Variants in PMEPA1 observed in about 807,000 individuals in gnomAD.
The protein encoded by PMEPA1 is prostate transmembrane protein, androgen induced 1.
Under a neutral mutation model 23.0 loss-of-function variants are expected in PMEPA1, and 11 were observed. The ratio of observed to expected loss-of-function variants is 0.48; its 90% confidence interval spans 0.30 to 0.79. PMEPA1 has a LOEUF of 0.79. Ranked by LOEUF, PMEPA1 falls within the 30% of genes least tolerant of loss-of-function variation. The pLI is 0.06. For synonymous variants in PMEPA1, 204 were observed against 166.4 expected (o/e 1.23, Z -1.74); for missense variants, 377 against 390.9 (o/e 0.96, Z 0.30).
intron 1 of PMEPA1, among the ~76,000 whole-genome samples, chr20:57,668,909 A>G (rs535515256): frequency 6.6e-6 from 1 of 152,248 alleles, no homozygotes; most frequent in East Asian, 1.9e-4. Flanking sequence ...GCCTCAGACT[A>G]AAACAGCCCT....
At chr20:57,671,392 C>T (rs566893958) in intron 1 of PMEPA1, among the ~76,000 whole-genome samples, 5 of 152,218 alleles carry the variant, frequency 3.3e-5, no homozygotes, top group Admixed American at 6.5e-5. Context: ...GTGGTGTTGA[C>T]GGCCACAGTC....
chr20:57,709,047 C>T (rs954061572), intron 1 of PMEPA1, among the ~76,000 whole-genome samples: 2 of 152,208 alleles, frequency 1.3e-5, no homozygotes, highest in Admixed American at 1.3e-4. Flanking sequence ...ACGCCCGGAG[C>T]CCCAGACACC....
chr20:57,658,051 T>C (rs1420382257), intron 2 of PMEPA1, among the ~76,000 whole-genome samples: 1 of 152,220 alleles, frequency 6.6e-6, no homozygotes, highest in East Asian at 1.9e-4. Flanking sequence ...GTGCCGCCCT[T>C]TGGTCCACCT....
At chr20:57,671,212 C>T (rs2071563232) in intron 1 of PMEPA1, among the ~76,000 whole-genome samples, 1 of 152,168 alleles carries the variant, frequency 6.6e-6, no homozygotes, top group Admixed American at 6.5e-5. Flanking sequence ...TATCAGTCAC[C>T]GTTTGAATTA....
chr20:57,670,052 G>A (rs1428162243), intron 1 of PMEPA1, among the ~76,000 whole-genome samples: 2 of 152,066 alleles, frequency 1.3e-5, no homozygotes, highest in Admixed American at 6.5e-5. Context: ...CTGACCCTAG[G>A]AGCACAGATA....
intron 1 of PMEPA1, among the ~76,000 whole-genome samples, chr20:57,689,552 G>A (rs2071848640): frequency 1.3e-5 from 2 of 152,236 alleles, no homozygotes; most frequent in Non-Finnish European, 1.5e-5. Flanking sequence ...AGATGGGACA[G>A]TCTCCAAATG....
chr20:57,697,309 G>A (rs1432754599), intron 1 of PMEPA1, among the ~76,000 whole-genome samples: 1 of 152,226 alleles, frequency 6.6e-6, no homozygotes, highest in Non-Finnish European at 1.5e-5. Flanking sequence ...AGCAGACACT[G>A]GGAGTACCAC....
intron 1 of PMEPA1, among the ~76,000 whole-genome samples, chr20:57,693,142 G>A (rs956789834): frequency 6.6e-6 from 1 of 152,166 alleles, no homozygotes. Context: ...TCTGAAGCCC[G>A]CCTACCCCAC....
intron 1 of PMEPA1, among the ~76,000 whole-genome samples, chr20:57,702,206 G>T (rs572634650): frequency 3.9e-5 from 6 of 152,228 alleles, no homozygotes; most frequent in Non-Finnish European, 5.9e-5. Flanking sequence ...GGTCAGAGGT[G>T]TGTGGCAGAT....
rs1163727898 is a variant in PMEPA1 at position 57,709,913 on chromosome 20, GCCT to G, written c.-334_-332del. On this transcript the variant is annotated 5_prime_UTR_variant, in exon 1 of 4. Coordinates refer to ENST00000341744, the MANE Select transcript of PMEPA1 (RefSeq NM_020182.5). ...TGCCGCTAGCTTTCCCCAGCCGAGC[GCCT>G]CCGCCGCCGCCGCCGCCGCCGCCTC... The G allele has an allele frequency of 9.9e-7, 1 of 1,009,292 alleles. No homozygotes were observed. The highest frequency in any genetic ancestry group is 1.2e-6 in the Non-Finnish European group (1 of 848,662). The allele number at this position is 1,009,292 out of a possible 1,614,324, so 62.5% of individuals were successfully genotyped here.
At position 57,709,856 on chromosome 20, in the gene PMEPA1, C is replaced by A; in HGVS notation, c.-274G>T. 1.0e-6 allele frequency: 1 copy of A among 986,248 alleles called. No individual in the cohort carries two copies. Among genetic ancestry groups the A allele is most frequent in the African/African-American group, 1.8e-5 (1 of 56,644 alleles). The allele number at this position is 986,248 out of a possible 1,614,324, so 61.1% of individuals were successfully genotyped here. ...TGGCGTCCGGAAAATGGGCTGGCAG[C>A]GGGGCGCGCGCTGCCGCCGGGGCTG... On this transcript the variant is annotated 5_prime_UTR_variant, in exon 1 of 4. Transcript: ENST00000341744.
chr20:57,710,475 G>T, upstream of PMEPA1: 1 of 1,607,768 alleles, frequency 6.2e-7, no homozygotes, highest in Non-Finnish European at 8.5e-7. Context: ...GCCTGGTTTC[G>T]CAGGAGACTG....
chr20:57,706,887 A>G (rs1349980517), intron 1 of PMEPA1, among the ~76,000 whole-genome samples: 1 of 152,204 alleles, frequency 6.6e-6, no homozygotes, highest in African/African-American at 2.4e-5. Context: ...CAGGGGAACC[A>G]GCAGTGGGTG....
chr20:57,657,800 G>A (rs527243851), intron 2 of PMEPA1, among the ~76,000 whole-genome samples: 8 of 152,320 alleles, frequency 5.3e-5, no homozygotes, highest in Admixed American at 4.6e-4. Context: ...GACTCTGGGC[G>A]CCACCACCAA....
rs2072150325 is a variant in PMEPA1, at chr20:57,709,988, G to A, written c.-406C>T. On this transcript the variant is annotated 5_prime_UTR_variant, in exon 1 of 4. Coordinates refer to ENST00000341744, the MANE Select transcript of PMEPA1 (RefSeq NM_020182.5). ...GGAGATCGGGTTTCGCTCCGAGACC[G>A]CGGTCGGAGGCAGGCAGACGGTCTG... is the stretch of plus-strand genomic sequence containing the variant. 1 of 991,230 alleles carries A rather than the reference G, an allele frequency of 1.0e-6. No homozygotes were observed. Among genetic ancestry groups the A allele is most frequent in the South Asian group, 4.5e-5 (1 of 22,388 alleles). The allele number at this position is 991,230 out of a possible 1,614,324, so 61.4% of individuals were successfully genotyped here.
intron 1 of PMEPA1, among the ~76,000 whole-genome samples, chr20:57,680,130 C>T (rs1047927588): frequency 3.9e-5 from 6 of 152,204 alleles, no homozygotes; most frequent in African/African-American, 9.7e-5. Flanking sequence ...ATGGTAAAAA[C>T]GACTTCTGCC....
intron 1 of PMEPA1, among the ~76,000 whole-genome samples, chr20:57,688,107 C>T (rs571022456): frequency 1.6e-4 from 24 of 152,296 alleles, no homozygotes; most frequent in Admixed American, 2.6e-4. Flanking sequence ...CGCCTCGGGA[C>T]GGCCTCAGCT....
rs769595358 is a variant in PMEPA1, at chr20:57,659,508, C to T, written c.264+35G>A. The T allele has an allele frequency of 6.2e-6, 10 of 1,605,636 alleles. No homozygotes were observed. In the Admixed American group the frequency reaches 1.7e-4, roughly 27 times the overall value. Reference sequence around the variant, plus strand: ...TTACAAGGGGCGTCCCACTGCCGCACCCTCAGGCCACAGATGGGATGGCGG... The same window carrying T: ...TTACAAGGGGCGTCCCACTGCCGCATCCTCAGGCCACAGATGGGATGGCGG... On this transcript the variant is annotated intron_variant, in intron 2 of 3. Coordinates refer to ENST00000341744, the MANE Select transcript of PMEPA1 (RefSeq NM_020182.5).
Position 57,651,118 on chromosome 20 carries a change from G to C in PMEPA1, c.*935C>G, listed in dbSNP as rs1016452515. On this transcript the variant is annotated 3_prime_UTR_variant, in exon 4 of 4. Transcript: ENST00000341744. The stretch of plus-strand genomic sequence containing the variant: ...AAGGCAAAACCACTACCTGGAACTC[G>C]GTGCCTCCGTGGTTAACTTTCCTAT... 1 of 152,220 alleles carries C rather than the reference G, an allele frequency of 6.6e-6. No homozygotes were observed. The highest frequency in any genetic ancestry group is 2.4e-5 in the African/African-American group (1 of 41,446). The allele number at this position is 152,220 out of a possible 1,614,324, so 9.4% of individuals were successfully genotyped here.
Sources: allele counts gnomAD v4.1 joint callset (sites outside exome capture counted in the v4.1 genomes callset), GRCh38; gene constraint gnomAD v4.1.1; transcripts MANE v1.5; gene names NCBI Gene and HGNC (gene_info 2026-07-23, HGNC 2026-07-21).